Variants in DHRS7B observed in about 807,000 individuals in gnomAD.
The protein encoded by DHRS7B is peroxisomal reductase activating PPAR-gamma.
A neutral mutation model predicts 26.4 loss-of-function variants in DHRS7B; 24 were observed. The ratio of observed to expected loss-of-function variants is 0.91; its 90% CI spans 0.66 to 1.28. The LOEUF (loss-of-function observed/expected upper bound fraction) is 1.28, where lower values mean the gene tolerates loss of function less well. Ranked by LOEUF, DHRS7B falls within the 50% of genes most tolerant of loss-of-function variation. The pLI, the probability that DHRS7B is intolerant of heterozygous loss-of-function variation, is 0.00. For missense variants in DHRS7B, 368 were observed against 419.4 expected, an observed-to-expected ratio of 0.88 and a Z score of 1.07; for synonymous variants, 142 against 166.4, an observed-to-expected ratio of 0.85 and a Z score of 1.13.
chr17:21,127,467 A>G (rs1371295160), intron 1 of DHRS7B: 3 of 159,540 alleles, frequency 1.9e-5, no homozygotes, highest in Non-Finnish European at 2.8e-5. Flanking sequence ...GGTTTTTCAG[A>G]AGGCAGGAGG....
intron 1 of DHRS7B, 42 bp from the exon 2 acceptor site, chr17:21,171,976 C>CT (rs1367103248): frequency 4.2e-5 from 67 of 1,612,936 alleles, no homozygotes; most frequent in Non-Finnish European, 5.3e-5. Context: ...CCCCTGAACT[C>CT]TGCTACTTTG....
intron 2 of DHRS7B, 170 bp downstream of exon 2, chr17:21,172,366 A>C: frequency 1.6e-6 from 1 of 622,464 alleles, no homozygotes; most frequent in Non-Finnish European, 2.5e-6. Flanking sequence ...AAAAAGCAGG[A>C]GCCAAGGCAC....
intron 1 of DHRS7B, among the ~76,000 whole-genome samples, chr17:21,146,323 C>G (rs1973642917): frequency 6.6e-6 from 1 of 152,070 alleles, no homozygotes; most frequent in Non-Finnish European, 1.5e-5. Flanking sequence ...ATCATTTGAG[C>G]CCCGGAGGTC....
At chr17:21,171,750 G>C in intron 1 of DHRS7B, 1 of 576,380 alleles carries the variant, frequency 1.7e-6, no homozygotes. Flanking sequence ...TATGTCCTAG[G>C]CTGAATGGCA....
chr17:21,160,282 A>G (rs545815201), intron 1 of DHRS7B, among the ~76,000 whole-genome samples: 9 of 152,242 alleles, frequency 5.9e-5, no homozygotes, highest in African/African-American at 2.2e-4. Context: ...GCTTGAACCC[A>G]GGAGGCGGAG....
intron 1 of DHRS7B, among the ~76,000 whole-genome samples, chr17:21,152,208 G>A (rs1973787328): frequency 2.0e-5 from 3 of 152,132 alleles, no homozygotes; most frequent in Admixed American, 2.0e-4. Flanking sequence ...AGGCCAGAGT[G>A]TACTGTCCTG....
chr17:21,160,670 T>C (rs1380662675), intron 1 of DHRS7B, among the ~76,000 whole-genome samples: 1 of 152,198 alleles, frequency 6.6e-6, no homozygotes, highest in African/African-American at 2.4e-5. Flanking sequence ...GGTAGTTTCT[T>C]ACAAAATGAA....
intron 1 of DHRS7B, chr17:21,166,074 T>C (rs542933237): frequency 2.4e-6 from 2 of 849,824 alleles, no homozygotes; most frequent in African/African-American, 3.7e-5. Flanking sequence ...GTCACCGCAC[T>C]CCTGTGCCAT....
intron 1 of DHRS7B, among the ~76,000 whole-genome samples, chr17:21,130,553 T>G (rs1051732464): frequency 3.9e-5 from 6 of 152,188 alleles, no homozygotes; most frequent in African/African-American, 1.4e-4. Context: ...TAAAAAGATT[T>G]GCATACATAT....
At chr17:21,178,408 T>G (rs999467255) in intron 3 of DHRS7B, 66 bp downstream of exon 3, 28 of 1,326,086 alleles carry the variant, frequency 2.1e-5, no homozygotes, top group Non-Finnish European at 2.9e-5. Flanking sequence ...ACTGAGGAGA[T>G]AGTGGCCCAC....
At chr17:21,129,008 A>G (rs1973168934) in intron 1 of DHRS7B, 1 of 152,206 alleles carries the variant, frequency 6.6e-6, no homozygotes, top group Non-Finnish European at 1.5e-5. Flanking sequence ...CTTAGCTACA[A>G]ATTTCATTCA....
At position 21,170,429 on chromosome 17, in the gene DHRS7B, TG is replaced by T. The variant is rs553102951; in HGVS notation, c.21-1587del. ...TACCAGTAGTGCCTGGTGAAAAGCTTGGTGCTTTAGATACCACCTTAATCCC... is the reference window on the plus strand; with the variant it reads ...TACCAGTAGTGCCTGGTGAAAAGCTTGTGCTTTAGATACCACCTTAATCCC... On this transcript the variant is annotated intron_variant, in intron 1 of 6. Coordinates refer to ENST00000395511, the MANE Select transcript of DHRS7B (RefSeq NM_015510.5). Among the ~76,000 whole-genome samples the T allele has an allele frequency of 2.0e-5, 3 of 152,320 alleles. No individual in the cohort carries two copies. In the East Asian group the frequency reaches 5.8e-4, roughly 29 times the overall value.
At chr17:21,149,979 C>T (rs577272979) in intron 1 of DHRS7B, among the ~76,000 whole-genome samples, 3 of 152,012 alleles carry the variant, frequency 2.0e-5, no homozygotes, top group Non-Finnish European at 4.4e-5. Flanking sequence ...TTTTCTTTAG[C>T]CAGGCATGGT....
chr17:21,154,924 T>A (rs535141842), intron 1 of DHRS7B, among the ~76,000 whole-genome samples: 1 of 152,188 alleles, frequency 6.6e-6, no homozygotes, highest in African/African-American at 2.4e-5. Flanking sequence ...TCATTGGAAA[T>A]GTATACTGTA....
chr17:21,181,531 C>T (rs748355793), intron 3 of DHRS7B, among the ~76,000 whole-genome samples: 4 of 152,092 alleles, frequency 2.6e-5, no homozygotes, highest in Non-Finnish European at 5.9e-5. Flanking sequence ...ATCACATGGG[C>T]GAGAGAGAGG....
At chr17:21,168,954 G>T (rs1041557599) in intron 1 of DHRS7B, 2 of 974,336 alleles carry the variant, frequency 2.1e-6, no homozygotes, top group African/African-American at 3.5e-5. Flanking sequence ...TAATTAGGTT[G>T]CATGAAAGTG....
At chr17:21,155,195 G>T (rs1156893156) in intron 1 of DHRS7B, among the ~76,000 whole-genome samples, 1 of 152,166 alleles carries the variant, frequency 6.6e-6, no homozygotes, top group East Asian at 1.9e-4. Context: ...AAAAGGCAGA[G>T]ATTGTGAGAG....
chr17:21,152,397 T>C (rs141120540), intron 1 of DHRS7B, among the ~76,000 whole-genome samples: 2,970 of 152,252 alleles, frequency 0.02, 114 homozygotes, highest in African/African-American at 0.068. Context: ...TCAAGCAATA[T>C]GCCTGCCTCA....
At chr17:21,159,815 A>G (rs1973961291) in intron 1 of DHRS7B, among the ~76,000 whole-genome samples, 1 of 140,560 alleles carries the variant, frequency 7.1e-6, no homozygotes, top group Non-Finnish European at 1.5e-5. Context: ...TTGAGGTGGC[A>G]GTGAGCCACT....
Sources: allele counts gnomAD v4.1 joint callset (sites outside exome capture counted in the v4.1 genomes callset), GRCh38; gene constraint gnomAD v4.1.1; transcripts MANE v1.5; gene names NCBI Gene and HGNC (gene_info 2026-07-23, HGNC 2026-07-21).